Variants in CAMTA1 observed in about 807,000 individuals in gnomAD.
CAMTA1 encodes the protein calmodulin-binding transcription activator 1.
Under a neutral mutation model 170.9 loss-of-function variants are expected in CAMTA1, and 27 were observed. That is an observed-to-expected ratio of 0.16 (90% CI 0.12 to 0.22). CAMTA1 has a LOEUF of 0.22. Among genes scored for constraint, CAMTA1 ranks in the 10% least tolerant of loss-of-function variants. CAMTA1 has a pLI of 1.00. For synonymous variants in CAMTA1, 833 were observed against 891.5 expected (o/e 0.93, Z 1.17); for missense variants, 1,619 against 2,217.2 (o/e 0.73, Z 5.42).
intron 4 of CAMTA1, among the ~76,000 whole-genome samples, chr1:7,237,580 C>T (rs1027746055): frequency 6.6e-6 from 1 of 152,100 alleles, no homozygotes; most frequent in Admixed American, 6.5e-5. Context: ...ACCTAGTCTT[C>T]GATTCAATCC....
intron 4 of CAMTA1, among the ~76,000 whole-genome samples, chr1:7,204,809 C>CTTTTTTT (rs61639082): frequency 8.3e-6 from 1 of 120,978 alleles, no homozygotes; most frequent in Non-Finnish European, 1.7e-5. Context: ...GTCAGAGTTT[C>CTTTTTTT]TTTTTTTTTT....
At position 7,064,626 on chromosome 1, in the gene CAMTA1, AT is replaced by A. The variant is rs1708727631; in HGVS notation, c.235-26674del. Among the ~76,000 whole-genome samples, 1 of 151,798 alleles carries A rather than the reference AT, an allele frequency of 6.6e-6. No homozygotes were observed. The highest frequency in any genetic ancestry group is 2.4e-5 in the African/African-American group (1 of 41,288). ...GCCAGTGGAGGGCCAGGAAAGGAGG[AT>A]TTTGGGTGAAGAGAACGGCTACAGC... On this transcript the variant is annotated intron_variant, in intron 3 of 22. Coordinates refer to ENST00000303635, the MANE Select transcript of CAMTA1 (RefSeq NM_015215.4). This position sits in a 1 kb window ranked among gnomAD's most constrained non-coding sequence, Gnocchi z 5.4.
chr1:6,787,459 C>T (rs919577348), intron 1 of CAMTA1, among the ~76,000 whole-genome samples: 1 of 152,142 alleles, frequency 6.6e-6, no homozygotes, highest in African/African-American at 2.4e-5. Flanking sequence ...ATGCTATATT[C>T]ATTTGTTTAC....
chr1:6,968,219 C>T (rs1241094408), intron 3 of CAMTA1, among the ~76,000 whole-genome samples: 4 of 152,116 alleles, frequency 2.6e-5, no homozygotes, highest in South Asian at 2.1e-4. Flanking sequence ...AATGTGGCCC[C>T]GGGTGTGTTT....
At chr1:7,028,806 T>C (rs1018719275) in intron 3 of CAMTA1, among the ~76,000 whole-genome samples, 9 of 152,256 alleles carry the variant, frequency 5.9e-5, no homozygotes, top group Admixed American at 5.2e-4. Flanking sequence ...CAAAAATCTC[T>C]GCACTCATGG....
intron 5 of CAMTA1, among the ~76,000 whole-genome samples, chr1:7,275,269 C>G (rs190658749): frequency 1.4e-4 from 21 of 151,536 alleles, no homozygotes; most frequent in African/African-American, 4.6e-4. Flanking sequence ...GTTTGAAGTG[C>G]TTACACTATA....
intron 3 of CAMTA1, among the ~76,000 whole-genome samples, chr1:7,008,148 C>T (rs546280989): frequency 2.6e-5 from 4 of 152,250 alleles, no homozygotes; most frequent in Admixed American, 6.5e-5. Flanking sequence ...AGGTGGAGCT[C>T]GGTTTTCCGT....
At chr1:7,571,899 T>C (rs940549822) in intron 6 of CAMTA1, among the ~76,000 whole-genome samples, 2 of 152,234 alleles carry the variant, frequency 1.3e-5, no homozygotes, top group African/African-American at 2.4e-5. Flanking sequence ...TATTAGTTCT[T>C]TGAGGAATCA....
intron 6 of CAMTA1, among the ~76,000 whole-genome samples, chr1:7,512,494 G>C (rs1222101071): frequency 6.6e-6 from 1 of 152,222 alleles, no homozygotes; most frequent in East Asian, 1.9e-4. Flanking sequence ...TTATTTGATT[G>C]TAGGCAGATT....
chr1:7,735,444 C>CAA (rs1028269439), intron 12 of CAMTA1, among the ~76,000 whole-genome samples: 8 of 58,116 alleles, frequency 1.4e-4, no homozygotes, highest in African/African-American at 3.8e-4. Context: ...GACTCTGTCT[C>CAA]AAAAAAAAAA....
At position 7,372,196 on chromosome 1, in the gene CAMTA1, T is replaced by C. The variant is rs529669262; in HGVS notation, c.439-95634T>C. Among the ~76,000 whole-genome samples the C allele has an allele frequency of 5.3e-5, 8 of 152,186 alleles. No individual in the cohort carries two copies. In the South Asian group the frequency reaches 1.2e-3, roughly 24 times the overall value. ...TAAATCCCTCCCCAACCTCCCTTAA[T>C]CTCCAGCCACCGCCAGAGCCCATCC... is the stretch of plus-strand genomic sequence containing the variant. On this transcript the variant is annotated intron_variant, in intron 5 of 22. Transcript: ENST00000303635.
chr1:7,499,063 GTGTA>G (rs1230661851), intron 6 of CAMTA1, among the ~76,000 whole-genome samples: 3 of 147,620 alleles, frequency 2.0e-5, no homozygotes, highest in South Asian at 2.2e-4. Flanking sequence ...TGGTGTGCGT[GTGTA>G]TGTATATGAG....
chr1:7,595,989 C>T (rs1047072124), intron 6 of CAMTA1, among the ~76,000 whole-genome samples: 5 of 152,242 alleles, frequency 3.3e-5, no homozygotes, highest in African/African-American at 1.2e-4. Flanking sequence ...CCTCTGCCTC[C>T]TCTTGGCTTC....
At chr1:7,668,043 A>T (rs1266773041) in intron 9 of CAMTA1, among the ~76,000 whole-genome samples, 1 of 151,924 alleles carries the variant, frequency 6.6e-6, no homozygotes, top group African/African-American at 2.4e-5. Flanking sequence ...CTCTCTTGAC[A>T]CTTCTCTCCC....
chr1:7,667,912 A>C (rs1576710799), intron 9 of CAMTA1, among the ~76,000 whole-genome samples: 1 of 152,324 alleles, frequency 6.6e-6, no homozygotes, highest in South Asian at 2.1e-4. Flanking sequence ...CTGGCCACAC[A>C]GTGAGGCCTC....
chr1:7,643,256 C>G (rs1174063146), intron 7 of CAMTA1, among the ~76,000 whole-genome samples: 1 of 152,206 alleles, frequency 6.6e-6, no homozygotes, highest in Admixed American at 6.5e-5. Context: ...TCAGATTCCA[C>G]TGGAAAATGA....
At chr1:7,417,431 C>T (rs1044094005) in intron 5 of CAMTA1, among the ~76,000 whole-genome samples, 4 of 152,210 alleles carry the variant, frequency 2.6e-5, no homozygotes, top group Admixed American at 6.5e-5. Flanking sequence ...CCACCCAGTT[C>T]GAGCTTCCCG....
intron 3 of CAMTA1, among the ~76,000 whole-genome samples, chr1:6,857,909 G>A (rs1243849369): frequency 1.3e-5 from 2 of 152,224 alleles, no homozygotes; most frequent in Admixed American, 6.5e-5. Context: ...TGTTGTGGGT[G>A]GCACTGATGG....
intron 6 of CAMTA1, among the ~76,000 whole-genome samples, chr1:7,498,191 A>AGTGTTGGT (rs1553182529): frequency 0.089 from 13,257 of 148,504 alleles, 885 homozygotes; most frequent in East Asian, 0.36. Flanking sequence ...TATGAGAGTG[A>AGTGTTGGT]GTGTGTGTGT....
Sources: allele counts gnomAD v4.1 joint callset (sites outside exome capture counted in the v4.1 genomes callset), GRCh38; gene constraint gnomAD v4.1.1; non-coding constraint Gnocchi (gnomAD v3.1); transcripts MANE v1.5; gene names NCBI Gene and HGNC (gene_info 2026-07-23, HGNC 2026-07-21).